PXDNL: variants seen among roughly 807,000 people sequenced by gnomAD.
PXDNL encodes the protein probable oxidoreductase PXDNL.
A neutral mutation model predicts 150.8 loss-of-function variants in PXDNL; 145 were observed. The ratio of observed to expected loss-of-function variants is 0.96; its 90% confidence interval spans 0.84 to 1.10. The LOEUF is 1.10. PXDNL is among the 50% of genes least tolerant of loss of function. PXDNL has a pLI of 0.00. For synonymous variants in PXDNL, 757 were observed against 725.7 expected (o/e 1.04, Z -0.69); for missense variants, 2,087 against 1,873.9 (o/e 1.11, Z -2.10).
intron 3 of PXDNL, among the ~76,000 whole-genome samples, chr8:51,564,190 T>C (rs531413060): frequency 6.6e-6 from 1 of 152,086 alleles, no homozygotes; most frequent in African/African-American, 2.4e-5. Flanking sequence ...CTTCAAGTTC[T>C]GGGGCAACAA....
chr8:51,715,486 G>T (rs577372176), intron 1 of PXDNL, among the ~76,000 whole-genome samples: 1 of 152,256 alleles, frequency 6.6e-6, no homozygotes, highest in Admixed American at 6.5e-5. Flanking sequence ...AGACACATTA[G>T]GTTTGAACGT....
intron 17 of PXDNL, among the ~76,000 whole-genome samples, chr8:51,381,502 G>A (rs571276306): frequency 7.2e-5 from 11 of 152,138 alleles, no homozygotes; most frequent in Non-Finnish European, 1.5e-4. Flanking sequence ...TTAACATGGG[G>A]AAGTACTGCC....
rs549394092 is a variant in PXDNL at position 51,462,482 on chromosome 8, C to T, written c.813-4815G>A. On this transcript the variant is annotated intron_variant, in intron 8 of 22. Coordinates refer to ENST00000356297, the MANE Select transcript of PXDNL (RefSeq NM_144651.5). ...TGAACTTCTGGAATTGAAAAAATCACTACAGGAATTTCATAATACAGTTAG... is the reference window on the plus strand; with the variant it reads ...TGAACTTCTGGAATTGAAAAAATCATTACAGGAATTTCATAATACAGTTAG... 2.0e-5 allele frequency among the ~76,000 whole-genome samples: 3 copies of T among 152,248 alleles called. No individual in the cohort carries two copies. In the East Asian group the frequency reaches 5.8e-4, roughly 29 times the overall value.
Position 51,607,801 on chromosome 8 carries a change from C to T in PXDNL, c.237-15103G>A, listed in dbSNP as rs528552043. On this transcript the variant is annotated intron_variant, in intron 2 of 22. Transcript: ENST00000356297. ...GCTGCAGTGAGCTGAGATGGCACCACTGCACTCCAATTTGAGCAACAGAGT... is the reference window on the plus strand; with the variant it reads ...GCTGCAGTGAGCTGAGATGGCACCATTGCACTCCAATTTGAGCAACAGAGT... Among the ~76,000 whole-genome samples the T allele has an allele frequency of 4.4e-3, 595 of 136,472 alleles. 12 individuals are homozygous for T. Among genetic ancestry groups the T allele is most frequent in the Non-Finnish European group, 7.3e-3 (483 of 66,104 alleles). The allele number at this position is 136,472 out of a possible 152,430, so 89.5% of individuals were successfully genotyped here.
At chr8:51,732,411 T>G (rs954322479) in intron 1 of PXDNL, among the ~76,000 whole-genome samples, 28 of 152,214 alleles carry the variant, frequency 1.8e-4, no homozygotes, top group African/African-American at 6.5e-4. Flanking sequence ...TATCAGCATT[T>G]TGGTCAAAGC....
intron 2 of PXDNL, among the ~76,000 whole-genome samples, chr8:51,627,845 G>T (rs865973859): frequency 1.3e-5 from 2 of 152,300 alleles, no homozygotes; most frequent in Middle Eastern, 3.4e-3. Flanking sequence ...CATTCTCAGA[G>T]AATTCTCAAA....
At chr8:51,656,811 T>C (rs1254406431) in intron 1 of PXDNL, among the ~76,000 whole-genome samples, 1 of 152,202 alleles carries the variant, frequency 6.6e-6, no homozygotes, top group Non-Finnish European at 1.5e-5. Flanking sequence ...AAATTATATA[T>C]AAAAACACAT....
intron 11 of PXDNL, 45 bp downstream of exon 11, chr8:51,448,957 A>C (rs1809743852): frequency 5.2e-6 from 5 of 952,408 alleles, no homozygotes; most frequent in Non-Finnish European, 8.3e-6. Context: ...TCCACAAAAG[A>C]AGGCACTTAT....
At chr8:51,573,241 A>G (rs1450368317) in intron 3 of PXDNL, among the ~76,000 whole-genome samples, 1 of 151,978 alleles carries the variant, frequency 6.6e-6, no homozygotes, top group Non-Finnish European at 1.5e-5. Context: ...GAGGCACCCA[A>G]CACCCCCATA....
chr8:51,338,211 A>G (rs1393005055), intron 21 of PXDNL, among the ~76,000 whole-genome samples: 1 of 151,436 alleles, frequency 6.6e-6, no homozygotes, highest in African/African-American at 2.4e-5. Context: ...AAGGGAAAAA[A>G]GATTCAGATT....
At chr8:51,497,254 C>A (rs1035500204) in intron 5 of PXDNL, among the ~76,000 whole-genome samples, 5 of 152,136 alleles carry the variant, frequency 3.3e-5, no homozygotes, top group Non-Finnish European at 5.9e-5. Flanking sequence ...GAAACTGGAT[C>A]CCTTCCTGAC....
intron 7 of PXDNL, 126 bp downstream of exon 7, chr8:51,474,846 C>T: frequency 1.3e-6 from 1 of 771,750 alleles, no homozygotes; most frequent in Non-Finnish European, 1.9e-6. Context: ...ATACTTTTAC[C>T]ACATTCCTTA....
chr8:51,489,341 G>T (rs1293139647), intron 5 of PXDNL, among the ~76,000 whole-genome samples: 1 of 152,146 alleles, frequency 6.6e-6, no homozygotes, highest in Non-Finnish European at 1.5e-5. Flanking sequence ...TTTAGAGACA[G>T]GTTCTCACCC....
At chr8:51,597,148 T>C (rs1479208723) in intron 2 of PXDNL, among the ~76,000 whole-genome samples, 1 of 152,192 alleles carries the variant, frequency 6.6e-6, no homozygotes, top group Non-Finnish European at 1.5e-5. Flanking sequence ...CTAGCACCAT[T>C]TATTGAATAG....
chr8:51,572,418 G>A (rs937167703), intron 3 of PXDNL, among the ~76,000 whole-genome samples: 1 of 151,812 alleles, frequency 6.6e-6, no homozygotes, highest in Non-Finnish European at 1.5e-5. Context: ...TTGCAACATG[G>A]ATGAATCTTA....
chr8:51,603,413 T>C (rs1043907274), intron 2 of PXDNL, among the ~76,000 whole-genome samples: 1 of 152,054 alleles, frequency 6.6e-6, no homozygotes, highest in Non-Finnish European at 1.5e-5. Flanking sequence ...GTTTTTGAAG[T>C]AGTCACCTTG....
At chr8:51,682,439 G>A (rs1815771831) in intron 1 of PXDNL, among the ~76,000 whole-genome samples, 6 of 152,104 alleles carry the variant, frequency 3.9e-5, no homozygotes, top group Admixed American at 3.3e-4. Context: ...AGGGGGTGAG[G>A]GGCCCTTGTA....
chr8:51,334,152 C>T (rs906634453), intron 21 of PXDNL, among the ~76,000 whole-genome samples: 1 of 97,688 alleles, frequency 1.0e-5, no homozygotes, highest in Non-Finnish European at 2.4e-5. Context: ...AATTGGAAAT[C>T]AATTCCAAAA....
At chr8:51,631,010 A>G (rs191625178) in intron 2 of PXDNL, among the ~76,000 whole-genome samples, 10 of 152,226 alleles carry the variant, frequency 6.6e-5, no homozygotes, top group Non-Finnish European at 1.5e-4. Context: ...ATTCATAACA[A>G]CGAAGACACA....
Sources: allele counts gnomAD v4.1 joint callset (sites outside exome capture counted in the v4.1 genomes callset), GRCh38; gene constraint gnomAD v4.1.1; transcripts MANE v1.5; gene names NCBI Gene and HGNC (gene_info 2026-07-23, HGNC 2026-07-21).